The following KMT2D variants were observed in gnomAD, a reference collection of about 807,000 sequenced individuals.
KMT2D encodes histone-lysine N-methyltransferase 2D.
KMT2D carries 55 observed loss-of-function variants against 512.7 expected under a neutral mutation model. The observed-to-expected ratio is 0.11, with a 90% CI of 0.09 to 0.13. KMT2D has a LOEUF of 0.13. Among genes scored for constraint, KMT2D ranks in the 10% least tolerant of loss-of-function variants. KMT2D has a pLI of 1.00. For synonymous variants in KMT2D, 2,995 were observed against 2,904.0 expected (o/e 1.03, Z -1.01); for missense variants, 6,061 against 7,127.9 (o/e 0.85, Z 5.39).
rs530054198 is a variant in KMT2D, at chr12:49,031,342, G to A, written c.13363C>T (p.Arg4455Cys). ...TSNHLLLAGP[R>C]SEAGHLLLQK... ...AAGAGCAGATGCCCAGCTTCTGAGC[G>A]AGGGCCTGCCAGCAGGAGGTGGTTG... The change falls in exon 40 of 55, where the codon CGC becomes TGC. Residue 4455 changes from arginine to cysteine, a missense_variant. Around this residue, in one of 16 missense-constraint regions of KMT2D, gnomAD observed 1,600 missense variants for 1,754.9 expected, o/e 0.91. Coordinates refer to ENST00000301067, the MANE Select transcript of KMT2D (RefSeq NM_003482.4). 9 of 1,613,588 alleles carry A rather than the reference G, an allele frequency of 5.6e-6. No homozygotes were observed. The highest frequency in any genetic ancestry group is 4.5e-5 in the East Asian group (2 of 44,882).
In KMT2D at chr12:49,049,722, C is replaced by T. The variant is rs2120639047; in HGVS notation, c.3866G>A (p.Gly1289Glu). The T allele has an allele frequency of 1.2e-6, 2 of 1,603,170 alleles. No homozygotes were observed. The highest frequency in any genetic ancestry group is 1.7e-6 in the Non-Finnish European group (2 of 1,171,300). The change falls in exon 12 of 55, where the codon GGG becomes GAG. Residue 1289 changes from glycine (G) to glutamate (E), a missense_variant. Gly to Glu is a moderately conservative substitution (Grantham distance 98). Transcript: ENST00000301067. The part of the protein sequence containing the change: ...ISGGKAEGEK[G>E]RRRSSPARSR... The stretch of plus-strand genomic sequence containing the variant: ...ACGGGCTGGGGAGCTGCGCCGCCGC[C>T]CCTTCTCCCCCTCAGCTTTGCCTCC...
intron 13 of KMT2D, 70 bp from the exon 14 acceptor site, chr12:49,048,839 T>C (rs1233843723): frequency 2.8e-6 from 3 of 1,059,932 alleles, no homozygotes; most frequent in Admixed American, 1.9e-5. Context: ...TCCTCTTTGG[T>C]GTTGGGGGAA....
Position 49,046,295 on chromosome 12 carries a change from T to C in KMT2D, c.4548A>G (p.Glu1516=). 1 of 1,613,964 alleles carries C rather than the reference T, an allele frequency of 6.2e-7. No homozygotes were observed. The part of the protein sequence containing the change: ...TCPICHAPYV[E]EDLLIQCRHC... Reference sequence around the variant, plus strand: ...GGCGGCACTGGATTAGTAGGTCCTCTTCTACGTAAGGAGCATGACAGATAG... The same window carrying C: ...GGCGGCACTGGATTAGTAGGTCCTCCTCTACGTAAGGAGCATGACAGATAG... Residue 1516 remains glutamate, a synonymous_variant, in exon 17 of 55, where the codon GAA becomes GAG. Coordinates refer to ENST00000301067, the MANE Select transcript of KMT2D (RefSeq NM_003482.4). The surrounding 1 kb of genome is among the most constrained non-coding windows in gnomAD (Gnocchi z 4.2).
In KMT2D at chr12:49,039,410, C is replaced by A. The variant is rs747527573; in HGVS notation, c.8229+25G>T. On this transcript the variant is annotated intron_variant, in intron 33 of 54. Transcript: ENST00000301067. This position sits in a 1 kb window ranked among gnomAD's most constrained non-coding sequence, Gnocchi z 5.0. ...GGAGCAACCTTCAATATCCTGGCCC[C>A]ACTATCCCTTGCCACTCTACCTACC... 3 of 1,602,694 alleles carry A rather than the reference C, an allele frequency of 1.9e-6. No homozygotes were observed. In the South Asian group the frequency reaches 3.3e-5, roughly 18 times the overall value.
chr12:49,042,811 T>C lies in KMT2D; in HGVS notation c.5712A>G (p.Glu1904=). 1.9e-6 allele frequency: 3 copies of C among 1,613,966 alleles called. No individual in the cohort carries two copies. Among genetic ancestry groups the C allele is most frequent in the Non-Finnish European group, 2.5e-6 (3 of 1,179,852 alleles). ...CAGGGGTTCCACAACCCAGATGCTG[T>C]TCTCGTTCAGAGCCCAGAACATCCT... ...LFKDVLGSER[E]QHLGCGTPGL... Residue 1904 remains glutamate (E), a synonymous_variant, in exon 27 of 55, where the codon GAA becomes GAG. Transcript: ENST00000301067. This position sits in a 1 kb window ranked among gnomAD's most constrained non-coding sequence, Gnocchi z 4.4.
rs754232910 is a variant in KMT2D, at chr12:49,030,577, A to C, written c.13839+24T>G. The C allele has an allele frequency of 1.9e-6, 3 of 1,539,894 alleles. No homozygotes were observed. In the African/African-American group the frequency reaches 4.1e-5, roughly 21 times the overall value. ...CCTTCCCAAGAACTTCACTATTCCC[A>C]AAAAATATTGCCATTTTTCTGACCT... On this transcript the variant is annotated intron_variant, in intron 42 of 54. Transcript: ENST00000301067.
Position 49,039,907 on chromosome 12 carries a change from G to T in KMT2D, c.7863C>A (p.Pro2621=), listed in dbSNP as rs766732127. ...RPPSVLPPPA[P]DGSLPYLSHG... is the part of the protein sequence containing the mutation. Reference sequence around the variant, plus strand: ...GGGACAGGTAGGGGAGGGATCCGTCGGGTGCAGGTGGTGGCAGAACCGACG... The same window carrying T: ...GGGACAGGTAGGGGAGGGATCCGTCTGGTGCAGGTGGTGGCAGAACCGACG... The change falls in exon 32 of 55, where the codon CCC becomes CCA. Residue 2621 remains proline (P), a synonymous_variant. Transcript: ENST00000301067. This position sits in a 1 kb window ranked among gnomAD's most constrained non-coding sequence, Gnocchi z 5.0. 6.2e-7 allele frequency: 1 copy of T among 1,614,022 alleles called. No individual in the cohort carries two copies. The highest frequency in any genetic ancestry group is 8.5e-7 in the Non-Finnish European group (1 of 1,179,888).
Position 49,019,255 on chromosome 12 carries a change from T to C in KMT2D, c.*2525A>G. ...ACGGGATTCACACTTGTCAGCGATT[T>C]ATTTTTTAAAAAGGGGGAGGGTCCT... On this transcript the variant is annotated 3_prime_UTR_variant, in exon 55 of 55. Transcript: ENST00000301067. 1 of 822,928 alleles carries C rather than the reference T, an allele frequency of 1.2e-6. No individual in the cohort carries two copies. The highest frequency in any genetic ancestry group is 1.5e-6 in the Non-Finnish European group (1 of 659,602). 51.0% of individuals were successfully genotyped at this position (822,928 alleles called of 1,614,324 possible). A position where few individuals can be genotyped will look rare whatever the true frequency, so the allele number is the denominator to read the frequency against.
chr12:49,048,464 C>G (rs1937692895), intron 14 of KMT2D, among the ~76,000 whole-genome samples, 195 bp downstream of exon 14: 2 of 152,218 alleles, frequency 1.3e-5, no homozygotes, highest in Non-Finnish European at 2.9e-5. Context: ...TAGCTCCTAG[C>G]TTAGTGCCAA....
rs772349962 is a variant in KMT2D at position 49,044,193 on chromosome 12, G to T, written c.5188+7C>A. 1.7e-5 allele frequency: 27 copies of T among 1,610,350 alleles called. No homozygotes were observed. Among genetic ancestry groups the T allele is most frequent in the Non-Finnish European group, 2.3e-5 (27 of 1,179,190 alleles). ...CCAGGCCCCACTGGTGCCCTCACCC[G>T]TCTCACCCTCGTCGGGCTGCCCATC... On this transcript the variant is annotated splice_region_variant and intron_variant, in intron 22 of 54. Coordinates refer to ENST00000301067, the MANE Select transcript of KMT2D (RefSeq NM_003482.4). This position sits in a 1 kb window ranked among gnomAD's most constrained non-coding sequence, Gnocchi z 6.4.
At position 49,041,050 on chromosome 12, in the gene KMT2D, T is replaced by C. The variant is rs934624262; in HGVS notation, c.6720A>G (p.Thr2240=). The C allele has an allele frequency of 2.6e-6, 4 of 1,549,346 alleles. No homozygotes were observed. The highest frequency in any genetic ancestry group is 3.5e-6 in the Non-Finnish European group (4 of 1,148,592). The change falls in exon 32 of 55, where the codon ACA becomes ACG. Residue 2240 remains threonine, a synonymous_variant. Transcript: ENST00000301067. The surrounding 1 kb of genome is among the most constrained non-coding windows in gnomAD (Gnocchi z 5.4). ...PPGTPRHQPS[T]PDPFLKPRCP... ...AGCGGGGTTTGAGGAATGGGTCAGG[T>C]GTGGAGGGCTGGTGTCTGGGGGTGC...
intron 46 of KMT2D, among the ~76,000 whole-genome samples, chr12:49,028,446 T>C (rs533539130): frequency 6.6e-5 from 10 of 152,346 alleles, no homozygotes; most frequent in African/African-American, 1.9e-4. Context: ...AGGACTCTTG[T>C]AGTAAAGAAA....
chr12:49,037,717 A>C lies in KMT2D; in HGVS notation c.9639T>G (p.Phe3213Leu). 6.3e-7 allele frequency: 1 copy of C among 1,587,742 alleles called. No individual in the cohort carries two copies. The highest frequency in any genetic ancestry group is 8.6e-7 in the Non-Finnish European group (1 of 1,166,966). ...GPGGSSLLEK[F>L]ELESGALTLP... ...AGGTCAAAGCCCCACTCTCGAGCTC[A>C]AACTTTTCCAGCAGGGAGGATCCTC... The change falls in exon 35 of 55, where the codon TTT becomes TTG. Residue 3213 changes from phenylalanine (F) to leucine (L), a missense_variant. By Grantham distance (22) the Phe-to-Leu change is conservative. This residue lies in a region of KMT2D where 533 missense variants were observed against 539.6 expected (regional missense o/e 0.99). Transcript: ENST00000301067.
chr12:49,040,889 G>A lies in KMT2D; in HGVS notation c.6881C>T (p.Ala2294Val). Reference protein sequence around the residue: ...ALEVKKEELGASSPSYGPPNL... With the variant: ...ALEVKKEELGVSSPSYGPPNL... ...TGGGGGCCCATAGCTAGGAGAGGAT[G>A]CCCCAAGCTCTTCCTTCTTCACCTC... is the stretch of plus-strand genomic sequence containing the variant. The change falls in exon 32 of 55, where the codon GCA (alanine) becomes GTA (valine). Residue 2294 changes from alanine (A) to valine (V), a missense_variant. Ala to Val is a moderately conservative substitution (Grantham distance 64). This residue lies in a region of KMT2D where 710 missense variants were observed against 647.3 expected (regional missense o/e 1.10). Transcript: ENST00000301067. 1 of 1,613,820 alleles carries A rather than the reference G, an allele frequency of 6.2e-7. No homozygotes were observed. Among genetic ancestry groups the A allele is most frequent in the South Asian group, 1.1e-5 (1 of 91,090 alleles).
At position 49,052,700 on chromosome 12, in the gene KMT2D, G is replaced by A. The variant is rs1938150102; in HGVS notation, c.1122C>T (p.Pro374=). The A allele has an allele frequency of 6.2e-7, 1 of 1,613,618 alleles. No homozygotes were observed. The highest frequency in any genetic ancestry group is 1.3e-5 in the African/African-American group (1 of 74,996). ...QHTPVCSRFS[P]PEPGDTPTDE... ...CAGTGGGGGTATCGCCAGGCTCTGG[G>A]GGTGAAAATCTGCAGAGGGTACAGG... is the stretch of plus-strand genomic sequence containing the variant. The change falls in exon 10 of 55, where the codon CCC becomes CCT. Residue 374 remains proline (P), a synonymous_variant. Coordinates refer to ENST00000301067, the MANE Select transcript of KMT2D (RefSeq NM_003482.4).
At position 49,038,526 on chromosome 12, in the gene KMT2D, TG is replaced by T; in HGVS notation, c.8829del (p.Asn2943LysfsTer61). The T allele has an allele frequency of 6.2e-7, 1 of 1,609,706 alleles. No individual in the cohort carries two copies. Among genetic ancestry groups the T allele is most frequent in the Non-Finnish European group, 8.5e-7 (1 of 1,176,772 alleles). On this transcript the variant is annotated frameshift_variant, in exon 35 of 55. Transcript: ENST00000301067. LOFTEE classifies it high-confidence loss of function. The surrounding 1 kb of genome is among the most constrained non-coding windows in gnomAD (Gnocchi z 5.7). The part of the protein sequence containing the change: ...KPSAPPAPEL[N>X]NSLHPTPHTK... ...GTGTGGGGTGTTGGATGAAGACTGT[TG>T]TTCAATTCAGGGGCCGGTGGGGCTG...
rs758348372 is a variant in KMT2D, at chr12:49,053,056, C to T, written c.971G>A (p.Arg324Gln). ...SWKCKACRVC[R>Q]ACGAGSAELN... ...TTCTGCTGAGCCCGCCCCACAGGCC[C>T]GGCACACCCGGCACGCCTAAGGGAA... Residue 324 changes from arginine (R) to glutamine (Q), a missense_variant, in exon 9 of 55, where the codon CGG becomes CAG. This residue lies in a region of KMT2D where 848 missense variants were observed against 838.5 expected (regional missense o/e 1.01). Coordinates refer to ENST00000301067, the MANE Select transcript of KMT2D (RefSeq NM_003482.4). 6.2e-6 allele frequency: 10 copies of T among 1,613,984 alleles called. No individual in the cohort carries two copies. Among genetic ancestry groups the T allele is most frequent in the Non-Finnish European group, 7.6e-6 (9 of 1,179,858 alleles).
chr12:49,037,575 G>C lies in KMT2D; in HGVS notation c.9781C>G (p.Gln3261Glu), dbSNP rs2120482131. 6.4e-7 allele frequency: 1 copy of C among 1,554,354 alleles called. No individual in the cohort carries two copies. Among genetic ancestry groups the C allele is most frequent in the South Asian group, 1.2e-5 (1 of 84,244 alleles). ...DLLEHEKKEL[Q>E]KKQQLSAQLQ... is the part of the protein sequence containing the mutation. ...TGTGCTGAAAGCTGCTGCTTCTTCT[G>C]CAGCTCCTTCTTCTCATGCTCCAAC... Residue 3261 changes from glutamine (Q) to glutamate (E), a missense_variant, in exon 35 of 55, where the codon CAG becomes GAG. By Grantham distance (29) the Gln-to-Glu change is conservative (BLOSUM62 2). Transcript: ENST00000301067.
rs765654409 is a variant in KMT2D at position 49,041,252 on chromosome 12, G to A, written c.6518C>T (p.Ser2173Leu). ...LPPQVPAQVP[S>L]QDPFGLAPAY... ...AGGGGCCAGTCCAAAGGGGTCCTGCGAAGGCACTTGGGCGGGCACCTGGGG... is the reference window on the plus strand; with the variant it reads ...AGGGGCCAGTCCAAAGGGGTCCTGCAAAGGCACTTGGGCGGGCACCTGGGG... The change falls in exon 32 of 55, where the codon TCG becomes TTG. Residue 2173 changes from serine (S) to leucine (L), a missense_variant. This residue lies in a region of KMT2D where 710 missense variants were observed against 647.3 expected (regional missense o/e 1.10). Coordinates refer to ENST00000301067, the MANE Select transcript of KMT2D (RefSeq NM_003482.4). The surrounding 1 kb of genome is among the most constrained non-coding windows in gnomAD (Gnocchi z 5.4). 3.2e-5 allele frequency: 49 copies of A among 1,516,116 alleles called. No homozygotes were observed. The highest frequency in any genetic ancestry group is 1.8e-4 in the Middle Eastern group (1 of 5,624). The allele number at this position is 1,516,116 out of a possible 1,614,324, so 93.9% of individuals were successfully genotyped here.
Sources: allele counts gnomAD v4.1 joint callset (sites outside exome capture counted in the v4.1 genomes callset), GRCh38; gene constraint gnomAD v4.1.1; regional missense constraint gnomAD v4.1.1; non-coding constraint Gnocchi (gnomAD v3.1); transcripts MANE v1.5; gene names NCBI Gene and HGNC (gene_info 2026-07-23, HGNC 2026-07-21).